SULT1A2: variants seen among roughly 807,000 people sequenced by gnomAD.
SULT1A2 encodes sulfotransferase family 1A member 2.
A neutral mutation model predicts 36.0 loss-of-function variants in SULT1A2; 33 were observed. The observed-to-expected ratio is 0.92, with a 90% CI of 0.69 to 1.22. The LOEUF is 1.22. Ranked by LOEUF, SULT1A2 falls within the 50% of genes most tolerant of loss-of-function variation. The pLI is 0.00. For missense variants in SULT1A2, 367 were observed against 383.2 expected (o/e 0.96, Z 0.35); for synonymous variants, 138 against 144.5 (o/e 0.96, Z 0.32).
rs2047065941 is a variant in SULT1A2, at chr16:28,597,007, G to A, written c.-15C>T. On this transcript the variant is annotated 5_prime_UTR_variant, in exon 1 of 8. Transcript: ENST00000335715. ...CGGTGTGTCACTCACCTGAGCTCTT[G>A]GGAACCTGGCCTTGTGCCCTCCTCG... is the stretch of plus-strand genomic sequence containing the variant. The A allele has an allele frequency of 1.1e-5, 14 of 1,279,596 alleles. No individual in the cohort carries two copies. The highest frequency in any genetic ancestry group is 1.4e-5 in the Non-Finnish European group (14 of 981,248). The allele number at this position is 1,279,596 out of a possible 1,614,324, so 79.3% of individuals were successfully genotyped here. A position where few individuals can be genotyped will look rare whatever the true frequency, so the allele number is the denominator to read the frequency against.
chr16:28,595,749 A>G (rs4149406), intron 2 of SULT1A2, 34 bp downstream of exon 2: 570,035 of 1,611,118 alleles, frequency 0.35, 105,788 homozygotes, highest in Non-Finnish European at 0.38. Context: ...GGGGACTGCC[A>G]CCTGGGAGAG....
chr16:28,596,782 G>T (rs2047063737), intron 1 of SULT1A2: 1 of 299,748 alleles, frequency 3.3e-6, no homozygotes, highest in African/African-American at 2.3e-5. Context: ...GCAGTGGCCA[G>T]GATCCCACAG....
chr16:28,594,116 G>T (rs1275626245), intron 4 of SULT1A2, among the ~76,000 whole-genome samples: 3 of 148,540 alleles, frequency 2.0e-5, no homozygotes, highest in East Asian at 2.0e-4. Context: ...TTGGGGGGGG[G>T]GACTCTAGGT....
intron 4 of SULT1A2, 89 bp from the exon 5 acceptor site, chr16:28,593,657 T>G: frequency 6.3e-7 from 1 of 1,587,138 alleles, no homozygotes; most frequent in Non-Finnish European, 8.6e-7. Context: ...AGGAGGAAGC[T>G]GAGGCTTAGA....
intron 6 of SULT1A2, 112 bp downstream of exon 6, chr16:28,593,140 C>A: frequency 1.3e-6 from 2 of 1,488,900 alleles, no homozygotes; most frequent in African/African-American, 1.4e-5. Flanking sequence ...ATGGGGAATC[C>A]GGGCCTGCTG....
chr16:28,595,942 A>G lies in SULT1A2; in HGVS notation c.-4-8T>C, dbSNP rs2047055591. 3.1e-6 allele frequency: 5 copies of G among 1,602,990 alleles called. No homozygotes were observed. In the East Asian group the frequency reaches 8.9e-5, roughly 29 times the overall value. On this transcript the variant is annotated splice_polypyrimidine_tract_variant and splice_region_variant and intron_variant, in intron 1 of 7. Transcript: ENST00000335715. ...TGGATCAGCTCCATGTTCCTGCGTC[A>G]GGGGCCAGAGCCAGGCCCGTTCCCT...
At chr16:28,596,043 C>T in intron 1 of SULT1A2, 109 bp from the exon 2 acceptor site, 1 of 1,572,594 alleles carries the variant, frequency 6.4e-7, no homozygotes, top group Non-Finnish European at 8.6e-7. Flanking sequence ...GGCTGAGTGA[C>T]TTGCCCGCAC....
At position 28,593,690 on chromosome 16, in the gene SULT1A2, C is replaced by T. The variant is rs1256087538; in HGVS notation, c.373-122G>A. ...AGAGGCTGACTTGTTTGAGATCTCA[C>T]GGCACAGGTAGGGCCAAGTCAGGAT... On this transcript the variant is annotated intron_variant, in intron 4 of 7. Transcript: ENST00000335715. 2.9e-5 allele frequency: 44 copies of T among 1,541,696 alleles called. No homozygotes were observed. In the East Asian group the frequency reaches 3.9e-4, roughly 14 times the overall value.
At chr16:28,596,323 C>T in intron 1 of SULT1A2, 1 of 1,153,554 alleles carries the variant, frequency 8.7e-7, no homozygotes, top group Non-Finnish European at 1.1e-6. Flanking sequence ...CTTTGTCTCA[C>T]CATTTCCTGC....
At chr16:28,596,856 G>T (rs970156003) in intron 1 of SULT1A2, 141 bp downstream of exon 1, 3 of 486,018 alleles carry the variant, frequency 6.2e-6, no homozygotes, top group East Asian at 1.0e-4. Flanking sequence ...AAGGGAGGGG[G>T]ATTCAGGCCG....
In SULT1A2 at chr16:28,595,268, G is replaced by C. The variant is rs563681092; in HGVS notation, c.372+99C>G. The C allele has an allele frequency of 5.4e-5, 81 of 1,499,454 alleles. No individual in the cohort carries two copies. The East Asian group carries it at 1.8e-3, about 34-fold the overall frequency. The allele number at this position is 1,499,454 out of a possible 1,614,324, so 92.9% of individuals were successfully genotyped here. ...TATGCACAGCTAAGTTTTTTTTTTG[G>C]AAGAGACTTATCTGGAACTTCTGGC... On this transcript the variant is annotated intron_variant, in intron 4 of 7. Coordinates refer to ENST00000335715, the MANE Select transcript of SULT1A2 (RefSeq NM_001054.4).
Position 28,595,535 on chromosome 16 carries a change from C to G in SULT1A2, c.274+15G>C, listed in dbSNP as rs755357793. On this transcript the variant is annotated intron_variant, in intron 3 of 7. Transcript: ENST00000335715. ...CTGTCTTCCTCCACTCCCCTTGCAC[C>G]CAGGACACACACACCTGAGGGAATC... 4.3e-6 allele frequency: 7 copies of G among 1,613,974 alleles called. No individual in the cohort carries two copies. In the African/African-American group the frequency reaches 6.7e-5, roughly 15 times the overall value.
intron 4 of SULT1A2, among the ~76,000 whole-genome samples, chr16:28,594,140 GAA>G (rs1483012178): frequency 6.9e-6 from 1 of 145,130 alleles, no homozygotes; most frequent in Non-Finnish European, 1.5e-5. Context: ...AAAAAAAAGA[GAA>G]AAGAGAAAAA....
rs759096981 is a variant in SULT1A2, at chr16:28,592,088, G to T, written c.828C>A (p.Phe276Leu). 6 of 1,612,056 alleles carry T rather than the reference G, an allele frequency of 3.7e-6. No homozygotes were observed. Among genetic ancestry groups the T allele is most frequent in the African/African-American group, 1.3e-5 (1 of 74,968 alleles). The change falls in exon 8 of 8, where the codon TTC (phenylalanine) becomes TTA (leucine). Residue 276 changes from phenylalanine (F) to leucine (L), a missense_variant. Phe to Leu is a conservative substitution (Grantham distance 22, BLOSUM62 0). Coordinates refer to ENST00000335715, the MANE Select transcript of SULT1A2 (RefSeq NM_001054.4). Reference sequence around the variant, plus strand: ...CCATCTTCTTCGCATAGTCCGCATCGAAGCGCTCATTCTGCGCCACGGTGA... The same window carrying T: ...CCATCTTCTTCGCATAGTCCGCATCTAAGCGCTCATTCTGCGCCACGGTGA... Reference protein sequence around the residue: ...TTFTVAQNERFDADYAKKMAG... With the variant: ...TTFTVAQNERLDADYAKKMAG...
intron 3 of SULT1A2, 22 bp downstream of exon 3, chr16:28,595,528 C>G: frequency 6.2e-7 from 1 of 1,614,200 alleles, no homozygotes; most frequent in African/African-American, 1.3e-5. Flanking sequence ...CTCCACTCCC[C>G]TTGCACCCAG....
intron 5 of SULT1A2, 28 bp downstream of exon 5, chr16:28,593,414 A>T: frequency 4.3e-6 from 7 of 1,614,068 alleles, no homozygotes; most frequent in Non-Finnish European, 5.9e-6. Flanking sequence ...CCTTAGCTCC[A>T]CACCTTCCTT....
At chr16:28,592,954 T>G (rs1357924176) in intron 6 of SULT1A2, among the ~76,000 whole-genome samples, 1 of 152,048 alleles carries the variant, frequency 6.6e-6, no homozygotes, top group East Asian at 1.9e-4. Flanking sequence ...GGGGTTACAC[T>G]GAGCTGAGAT....
chr16:28,593,424 T>A lies in SULT1A2; in HGVS notation c.499+18A>T, dbSNP rs1260771603. ...CCACCCCTTAGCTCCACACCTTCCT[T>A]CCTCCCATCAAGCCCACCTTCTCCA... On this transcript the variant is annotated intron_variant, in intron 5 of 7. Transcript: ENST00000335715. 6.2e-7 allele frequency: 1 copy of A among 1,613,888 alleles called. No individual in the cohort carries two copies. Among genetic ancestry groups the A allele is most frequent in the African/African-American group, 1.3e-5 (1 of 74,878 alleles).
At chr16:28,596,896 G>A (rs2047064955) in intron 1 of SULT1A2, 101 bp downstream of exon 1, 5 of 822,372 alleles carry the variant, frequency 6.1e-6, no homozygotes, top group Non-Finnish European at 8.1e-6. Flanking sequence ...GGATATCCAT[G>A]GGGAGAGGGC....
Sources: allele counts gnomAD v4.1 joint callset (sites outside exome capture counted in the v4.1 genomes callset), GRCh38; gene constraint gnomAD v4.1.1; transcripts MANE v1.5; gene names NCBI Gene and HGNC (gene_info 2026-07-23, HGNC 2026-07-21).